Variants in PXYLP1 observed in about 807,000 individuals in gnomAD.
PXYLP1 encodes the protein 2-phosphoxylose phosphatase 1.
Under a neutral mutation model 37.9 loss-of-function variants are expected in PXYLP1, and 17 were observed. The ratio of observed to expected loss-of-function variants is 0.45; its 90% confidence interval spans 0.31 to 0.67. The LOEUF (loss-of-function observed/expected upper bound fraction) is 0.67, where lower values mean the gene tolerates loss of function less well. Ranked by LOEUF, PXYLP1 falls within the 30% of genes least tolerant of loss-of-function variation. The probability of loss-of-function intolerance (pLI) is 0.07; values close to 1 mark genes in which losing one functional copy is unlikely to be tolerated. For synonymous variants in PXYLP1, 221 were observed against 232.2 expected (o/e 0.95, Z 0.44); for missense variants, 511 against 612.0 (o/e 0.84, Z 1.74).
At position 141,278,414 on chromosome 3, in the gene PXYLP1, C is replaced by T; in HGVS notation, c.152C>T (p.Pro51Leu). Residue 51 changes from proline to leucine, a missense_variant, in exon 3 of 6, where the codon CCT (proline) becomes CTT (leucine). By Grantham distance (98) the Pro-to-Leu change is moderately conservative (BLOSUM62 -3). Coordinates refer to ENST00000286353, the MANE Select transcript of PXYLP1 (RefSeq NM_001037172.3). ...SKSRKRIMPDPVTEPPVTDPV... is the reference protein window; with the variant it reads ...SKSRKRIMPDLVTEPPVTDPV... The stretch of plus-strand genomic sequence containing the variant: ...AGTCGAAAGAGAATCATGCCCGACC[C>T]TGTGACGGAGCCCCCTGTGACAGAC... 5 of 1,614,234 alleles carry T rather than the reference C, an allele frequency of 3.1e-6. No individual in the cohort carries two copies. The highest frequency in any genetic ancestry group is 4.2e-6 in the Non-Finnish European group (5 of 1,180,036).
At chr3:141,270,549 G>A (rs137964945) in intron 2 of PXYLP1, among the ~76,000 whole-genome samples, 231 of 152,326 alleles carry the variant, frequency 1.5e-3, no homozygotes, top group African/African-American at 5.2e-3. Flanking sequence ...GACAGAGCGC[G>A]TCATTATTCC....
At chr3:141,260,686 C>T (rs913463768) in intron 2 of PXYLP1, among the ~76,000 whole-genome samples, 1 of 152,224 alleles carries the variant, frequency 6.6e-6, no homozygotes, top group Non-Finnish European at 1.5e-5. Flanking sequence ...ACCCACCCCC[C>T]AGGCAGCAGG....
intron 2 of PXYLP1, among the ~76,000 whole-genome samples, chr3:141,270,905 T>G (rs1941646808): frequency 6.6e-6 from 1 of 152,068 alleles, no homozygotes; most frequent in Admixed American, 6.5e-5. Context: ...ATTCATTCAT[T>G]TATAAGATGG....
chr3:141,251,687 C>T (rs1034387866), intron 1 of PXYLP1, among the ~76,000 whole-genome samples: 4 of 152,236 alleles, frequency 2.6e-5, no homozygotes, highest in Admixed American at 6.5e-5. Context: ...TGCAGGCCAG[C>T]CTCCCTGAGC....
intron 4 of PXYLP1, among the ~76,000 whole-genome samples, chr3:141,285,341 C>T (rs1175458268): frequency 2.0e-5 from 3 of 151,370 alleles, no homozygotes; most frequent in Non-Finnish European, 4.4e-5. Context: ...GAGACATGGT[C>T]TCACTATGTT....
chr3:141,292,688 CCTGTA>C lies in PXYLP1; in HGVS notation c.928_932del (p.Cys310GlnfsTer6), dbSNP rs751313214. On this transcript the variant is annotated frameshift_variant, in exon 6 of 6. Transcript: ENST00000286353. LOFTEE classifies it high-confidence loss of function. This position sits in a 1 kb window ranked among gnomAD's most constrained non-coding sequence, Gnocchi z 4.3. ...CACTTCTGCCACAATGTCAGCTTTC[CCTGTA>C]CCAGAAATGGCTGTGTTGACATGGA... 2 of 1,613,882 alleles carry C rather than the reference CCTGTA, an allele frequency of 1.2e-6. No individual in the cohort carries two copies. The highest frequency in any genetic ancestry group is 2.7e-5 in the African/African-American group (2 of 74,922).
At chr3:141,248,608 C>T (rs374013415) in intron 1 of PXYLP1, among the ~76,000 whole-genome samples, 1 of 94,248 alleles carries the variant, frequency 1.1e-5, no homozygotes, top group Non-Finnish European at 2.1e-5. Context: ...TATATATACA[C>T]ACGTATATAT....
chr3:141,237,758 T>G (rs13069904), intron 1 of PXYLP1, among the ~76,000 whole-genome samples: 69,163 of 152,064 alleles, frequency 0.45, 18,332 homozygotes, highest in South Asian at 0.64. Flanking sequence ...TATTTCAGTT[T>G]GTGGTGAAGG....
chr3:141,268,192 AGAGAGAGAGAGAGAGTGTGTGTGT>A (rs1248980614), intron 2 of PXYLP1, among the ~76,000 whole-genome samples: 10 of 98,510 alleles, frequency 1.0e-4, no homozygotes, highest in East Asian at 9.6e-4. Flanking sequence ...AGAGAGAGAG[AGAGAGAGAGAGAGAGTGTGTGTGT>A]GTGTGTGTGT....
chr3:141,238,125 G>C (rs1216036294), intron 1 of PXYLP1, among the ~76,000 whole-genome samples: 1 of 152,236 alleles, frequency 6.6e-6, no homozygotes, highest in Non-Finnish European at 1.5e-5. Flanking sequence ...AGCAAGAAAT[G>C]GCACAGCTGC....
intron 2 of PXYLP1, among the ~76,000 whole-genome samples, chr3:141,272,192 G>A (rs16851277): frequency 0.024 from 3,606 of 152,250 alleles, 157 homozygotes; most frequent in African/African-American, 0.082. Flanking sequence ...GCAAGTCAGA[G>A]TAACTCCCAG....
intron 2 of PXYLP1, among the ~76,000 whole-genome samples, chr3:141,268,712 C>T (rs1941592274): frequency 6.6e-6 from 1 of 152,206 alleles, no homozygotes; most frequent in Non-Finnish European, 1.5e-5. Context: ...TGGGAGGGAG[C>T]TCTGGGACTG....
At chr3:141,235,585 G>C (rs766714439) in intron 1 of PXYLP1, 1 of 152,364 alleles carries the variant, frequency 6.6e-6, no homozygotes, top group Non-Finnish European at 1.5e-5. Context: ...TGGCTTGGAA[G>C]GTCTGTGCAC....
rs142825065 is a variant in PXYLP1, at chr3:141,271,154, A to T, written c.80-7188A>T. On this transcript the variant is annotated intron_variant, in intron 2 of 5. Transcript: ENST00000286353. Reference sequence around the variant, plus strand: ...ATCATTACCACCCTGATCTGTAGGTATCATCACCTTCATTTGACAGATGAA... The same window carrying T: ...ATCATTACCACCCTGATCTGTAGGTTTCATCACCTTCATTTGACAGATGAA... Among the ~76,000 whole-genome samples, 5 of 152,336 alleles carry T rather than the reference A, an allele frequency of 3.3e-5. No homozygotes were observed. In the East Asian group the frequency reaches 9.6e-4, roughly 29 times the overall value.
Position 141,231,862 on chromosome 3 carries a change from C to T in PXYLP1, c.-103C>T, listed in dbSNP as rs912831254. On this transcript the variant is annotated 5_prime_UTR_variant, in exon 1 of 6. Coordinates refer to ENST00000286353, the MANE Select transcript of PXYLP1 (RefSeq NM_001037172.3). This position sits in a 1 kb window ranked among gnomAD's most constrained non-coding sequence, Gnocchi z 4.4. ...GCCGGGAGGAGCTGGCGGCGAGCGC[C>T]GAGCCGGGCGCGCAGCGACGGAGCT... 1.3e-5 allele frequency: 2 copies of T among 150,918 alleles called. No individual in the cohort carries two copies. Among genetic ancestry groups the T allele is most frequent in the South Asian group, 2.1e-4 (1 of 4,830 alleles). The allele number at this position is 150,918 out of a possible 1,614,324, so 9.3% of individuals were successfully genotyped here. A position where few individuals can be genotyped will look rare whatever the true frequency, so the allele number is the denominator to read the frequency against.
At position 141,278,488 on chromosome 3, in the gene PXYLP1, C is replaced by T. The variant is rs1306917360; in HGVS notation, c.226C>T (p.Arg76Cys). The T allele has an allele frequency of 3.1e-6, 5 of 1,614,032 alleles. No individual in the cohort carries two copies. Among genetic ancestry groups the T allele is most frequent in the African/African-American group, 1.3e-5 (1 of 74,920 alleles). The stretch of plus-strand genomic sequence containing the variant: ...CTGCAACATCCCCAGCGTGGCCGAG[C>T]GCAGCATGGAAGGTAGGCCTGACTG... ...LYCNIPSVAE[R>C]SMEGHAPHHF... is the part of the protein sequence containing the mutation. Residue 76 changes from arginine to cysteine, a missense_variant, in exon 3 of 6, where the codon CGC (arginine) becomes TGC (cysteine). Coordinates refer to ENST00000286353, the MANE Select transcript of PXYLP1 (RefSeq NM_001037172.3).
chr3:141,251,982 T>C (rs1352326829), intron 1 of PXYLP1, among the ~76,000 whole-genome samples: 1 of 152,196 alleles, frequency 6.6e-6, no homozygotes, highest in Non-Finnish European at 1.5e-5. Flanking sequence ...CTTACATATC[T>C]TAACCCCACG....
At chr3:141,288,895 C>CAATGAATG (rs548586683) in intron 5 of PXYLP1, among the ~76,000 whole-genome samples, 4 of 152,014 alleles carry the variant, frequency 2.6e-5, no homozygotes, top group African/African-American at 9.7e-5. Context: ...GGCCCTGTCT[C>CAATGAATG]AATGAATGAA....
intron 2 of PXYLP1, among the ~76,000 whole-genome samples, chr3:141,276,407 TG>T (rs1462224789): frequency 6.6e-6 from 1 of 152,236 alleles, no homozygotes; most frequent in Non-Finnish European, 1.5e-5. Flanking sequence ...ATTTATGGTT[TG>T]TTTTTTTTCT....
Sources: gnomAD v4.1 joint callset for allele counts (sites outside exome capture counted in the v4.1 genomes callset) on GRCh38, gnomAD v4.1.1 for gene constraint, Gnocchi (gnomAD v3.1) non-coding constraint, MANE v1.5 for transcripts, NCBI Gene and HGNC (gene_info 2026-07-23, HGNC 2026-07-21) for gene names.